Variants in NUP88 observed in about 807,000 individuals in gnomAD.
NUP88 encodes the protein nucleoporin 88.
Under a neutral mutation model 93.9 loss-of-function variants are expected in NUP88, and 57 were observed. That is an observed-to-expected ratio of 0.61 (90% CI 0.49 to 0.76). NUP88 has a LOEUF of 0.76. Ranked by LOEUF, NUP88 falls within the 30% of genes least tolerant of loss-of-function variation. The pLI, the probability that NUP88 is intolerant of heterozygous loss-of-function variation, is 0.00. For synonymous variants in NUP88, 346 were observed against 336.8 expected, an observed-to-expected ratio of 1.03 and a Z score of -0.30; for missense variants, 911 against 901.0, an observed-to-expected ratio of 1.01 and a Z score of -0.14.
chr17:5,409,003 A>G, intron 4 of NUP88, 94 bp from the exon 5 acceptor site: 3 of 1,040,040 alleles, frequency 2.9e-6, no homozygotes, highest in Non-Finnish European at 4.1e-6. Context: ...AATGTCTAAT[A>G]ACAGGAGGTG....
chr17:5,394,606 T>C (rs997661302), intron 9 of NUP88, among the ~76,000 whole-genome samples: 6 of 151,966 alleles, frequency 3.9e-5, no homozygotes, highest in Non-Finnish European at 7.4e-5. Context: ...GAAGTGACAT[T>C]AAGATCAGAA....
rs145662283 is a variant in NUP88 at position 5,385,488 on chromosome 17, T to C, written c.*718A>G. ...CAGATATAGTAGTACCTTTCAGAAC[T>C]CACATTGGCAAGTGTAAAAAGATGA... On this transcript the variant is annotated 3_prime_UTR_variant, in exon 17 of 17. Coordinates refer to ENST00000573584, the MANE Select transcript of NUP88 (RefSeq NM_002532.6). The C allele has an allele frequency of 2.3e-4, 54 of 230,626 alleles. No homozygotes were observed. In the Middle Eastern group the frequency reaches 3.9e-3, roughly 17 times the overall value. 14.3% of individuals were successfully genotyped at this position (230,626 alleles called of 1,614,324 possible).
Position 5,386,636 on chromosome 17 carries a change from A to T in NUP88, c.2162+72T>A. 4.0e-6 allele frequency: 4 copies of T among 1,012,110 alleles called. No homozygotes were observed. The South Asian group carries it at 5.1e-5, about 13-fold the overall frequency. 62.7% of individuals were successfully genotyped at this position (1,012,110 alleles called of 1,614,324 possible). A position where few individuals can be genotyped will look rare whatever the true frequency, so the allele number is the denominator to read the frequency against. On this transcript the variant is annotated intron_variant, in intron 16 of 16. Transcript: ENST00000573584. The stretch of plus-strand genomic sequence containing the variant: ...TACCAAGATTCAGGTTTCTATTAAG[A>T]CAGGTTGATTCTGGCATACTGTAAA...
chr17:5,401,432 G>A (rs1384906293), intron 7 of NUP88, among the ~76,000 whole-genome samples: 1 of 151,818 alleles, frequency 6.6e-6, no homozygotes, highest in Non-Finnish European at 1.5e-5. Flanking sequence ...AAAATACAGA[G>A]ATAAGGTATA....
chr17:5,389,827 G>A (rs1912297918), intron 10 of NUP88, among the ~76,000 whole-genome samples: 1 of 142,840 alleles, frequency 7.0e-6, no homozygotes, highest in Non-Finnish European at 1.5e-5. Flanking sequence ...TAACTTTATA[G>A]ACAACTTGTA....
chr17:5,398,486 G>A (rs57168667), intron 8 of NUP88, among the ~76,000 whole-genome samples: 66,373 of 151,728 alleles, frequency 0.44, 15,251 homozygotes, highest in East Asian at 0.84. Context: ...ACGGGGTTTC[G>A]CCATGTTGAC....
rs762093298 is a variant in NUP88, at chr17:5,408,690, C to T, written c.857+43G>A. 2.7e-6 allele frequency: 4 copies of T among 1,490,270 alleles called. No homozygotes were observed. In the South Asian group the frequency reaches 5.2e-5, roughly 19 times the overall value. The allele number at this position is 1,490,270 out of a possible 1,614,324, so 92.3% of individuals were successfully genotyped here. A position where few individuals can be genotyped will look rare whatever the true frequency, so the allele number is the denominator to read the frequency against. On this transcript the variant is annotated intron_variant, in intron 5 of 16. Transcript: ENST00000573584. The stretch of plus-strand genomic sequence containing the variant: ...AGCCTCAATGATATCTACTGGAGCC[C>T]AAACTGAGTTTTCATTTCAGGTGGG...
chr17:5,403,275 A>G (rs796136990), intron 7 of NUP88, among the ~76,000 whole-genome samples: 2 of 152,188 alleles, frequency 1.3e-5, no homozygotes, highest in South Asian at 2.1e-4. Context: ...CAGGAGTTCG[A>G]TACCAGCCTG....
chr17:5,416,677 C>T lies in NUP88; in HGVS notation c.303G>A (p.Leu101=), dbSNP rs1914168574. The T allele has an allele frequency of 1.2e-6, 2 of 1,602,868 alleles. No individual in the cohort carries two copies. The highest frequency in any genetic ancestry group is 1.7e-6 in the Non-Finnish European group (2 of 1,177,296). ...CAAACAGGGGTGGATTTATGCAAAG[C>T]AATCTCTGAAAATTAGAGCAAACCA... ...EEPALSQYQR[L]LCINPPLFEI... Residue 101 remains leucine, a synonymous_variant, in exon 2 of 17, where the codon TTG becomes TTA. Coordinates refer to ENST00000573584, the MANE Select transcript of NUP88 (RefSeq NM_002532.6).
intron 8 of NUP88, among the ~76,000 whole-genome samples, chr17:5,395,861 A>G (rs1406844267): frequency 6.6e-6 from 1 of 152,162 alleles, no homozygotes; most frequent in East Asian, 1.9e-4. Context: ...CATACAAGTC[A>G]TCCATTTAAA....
At chr17:5,394,146 C>A (rs1319502497) in intron 9 of NUP88, among the ~76,000 whole-genome samples, 3 of 152,020 alleles carry the variant, frequency 2.0e-5, no homozygotes. Context: ...GTGGTCTGGG[C>A]TAGGGCGATA....
In NUP88 at chr17:5,399,569, T is replaced by G; in HGVS notation, c.1274A>C (p.His425Pro). 1 of 1,596,154 alleles carries G rather than the reference T, an allele frequency of 6.3e-7. No individual in the cohort carries two copies. The highest frequency in any genetic ancestry group is 8.6e-7 in the Non-Finnish European group (1 of 1,165,784). Residue 425 changes from histidine to proline, a missense_variant, in exon 8 of 17, where the codon CAC becomes CCC. By Grantham distance (77) the His-to-Pro change is moderately conservative. Coordinates refer to ENST00000573584, the MANE Select transcript of NUP88 (RefSeq NM_002532.6). ...AAACTCACCTGATCCAAGAAATTTG[T>G]GAAGTTTATGAATCCAAGTTAGCCC... ...SVGLTWIHKL[H>P]KFLGSDEEDK...
intron 9 of NUP88, 51 bp from the exon 10 acceptor site, chr17:5,391,713 C>G (rs1912448231): frequency 6.7e-7 from 1 of 1,484,332 alleles, no homozygotes; most frequent in Non-Finnish European, 9.4e-7. Flanking sequence ...TGCAATGGAA[C>G]CAAGAGCAAA....
At chr17:5,409,126 C>T (rs554064773) in intron 4 of NUP88, among the ~76,000 whole-genome samples, 2 of 152,264 alleles carry the variant, frequency 1.3e-5, no homozygotes, top group Non-Finnish European at 2.9e-5. Flanking sequence ...GTAATCCCAG[C>T]AATTTGGGAG....
chr17:5,390,817 C>T (rs1912371694), intron 10 of NUP88, among the ~76,000 whole-genome samples: 1 of 152,066 alleles, frequency 6.6e-6, no homozygotes, highest in Non-Finnish European at 1.5e-5. Context: ...AATCCTCTCA[C>T]CTGAGCAGCT....
intron 3 of NUP88, among the ~76,000 whole-genome samples, chr17:5,413,518 C>T (rs1168637310): frequency 2.0e-5 from 3 of 152,128 alleles, no homozygotes; most frequent in African/African-American, 4.8e-5. Context: ...TAGAAATCTA[C>T]GTAGCATTAG....
At chr17:5,404,825 G>C (rs1056914315) in intron 6 of NUP88, among the ~76,000 whole-genome samples, 10 of 152,262 alleles carry the variant, frequency 6.6e-5, no homozygotes, top group African/African-American at 2.4e-4. Context: ...GCAATATAGA[G>C]ACCAGAAAGT....
chr17:5,412,406 G>A (rs761237280), intron 3 of NUP88, among the ~76,000 whole-genome samples: 7 of 152,142 alleles, frequency 4.6e-5, no homozygotes, highest in Non-Finnish European at 8.8e-5. Flanking sequence ...ATGCCCCTTA[G>A]TCACTTAGTA....
intron 3 of NUP88, among the ~76,000 whole-genome samples, 178 bp from the exon 4 acceptor site, chr17:5,410,967 A>C (rs1208653566): frequency 6.6e-6 from 1 of 152,166 alleles, no homozygotes; most frequent in African/African-American, 2.4e-5. Context: ...TAACTACATA[A>C]GGGAGTTTCA....
Sources: allele counts gnomAD v4.1 joint callset (sites outside exome capture counted in the v4.1 genomes callset), GRCh38; gene constraint gnomAD v4.1.1; transcripts MANE v1.5; gene names NCBI Gene and HGNC (gene_info 2026-07-23, HGNC 2026-07-21).